IMPG1: variants seen among roughly 807,000 people sequenced by gnomAD.
IMPG1 encodes the protein interphotoreceptor matrix proteoglycan of 150 kDa.
IMPG1 carries 85 observed loss-of-function variants against 92.0 expected under a neutral mutation model. That is an observed-to-expected ratio of 0.92 (90% confidence interval 0.78 to 1.11). The LOEUF (loss-of-function observed/expected upper bound fraction) is 1.11. Ranked by LOEUF, IMPG1 falls within the 50% of genes least tolerant of loss-of-function variation. The pLI, the probability that IMPG1 is intolerant of heterozygous loss-of-function variation, is 0.00. For missense variants in IMPG1, 1,022 were observed against 956.0 expected (o/e 1.07, Z -0.91); for synonymous variants, 367 against 334.1 (o/e 1.10, Z -1.08).
chr6:76,024,435 T>A (rs1486777694), intron 5 of IMPG1, among the ~76,000 whole-genome samples: 2 of 152,110 alleles, frequency 1.3e-5, no homozygotes, highest in African/African-American at 2.4e-5. Context: ...GAAATATACA[T>A]GAAAGAGAAA....
At chr6:75,975,793 C>T (rs1004358044) in intron 12 of IMPG1, among the ~76,000 whole-genome samples, 3 of 152,162 alleles carry the variant, frequency 2.0e-5, no homozygotes, top group African/African-American at 7.2e-5. Context: ...ACCATGTGCT[C>T]TCTATTGCAA....
intron 4 of IMPG1, among the ~76,000 whole-genome samples, chr6:76,027,196 A>C (rs1369086782): frequency 2.0e-5 from 3 of 152,238 alleles, no homozygotes; most frequent in African/African-American, 7.2e-5. Context: ...AAATGTAAAT[A>C]GGTGAACTAA....
chr6:76,028,469 G>C (rs1783591529), intron 4 of IMPG1, among the ~76,000 whole-genome samples: 1 of 152,142 alleles, frequency 6.6e-6, no homozygotes, highest in Non-Finnish European at 1.5e-5. Context: ...ACTTTTTCTT[G>C]GAATACTGCT....
chr6:76,002,955 C>G lies in IMPG1; in HGVS notation c.1254G>C (p.Gln418His), dbSNP rs762567334. Reference sequence around the variant, plus strand: ...GCTCTGCTCCGTCCACTGTCTCAAGCTGGGGTTCAACAGGAGGAAGTTCTG... The same window carrying G: ...GCTCTGCTCCGTCCACTGTCTCAAGGTGGGGTTCAACAGGAGGAAGTTCTG... Reference protein sequence around the residue: ...LSPELPPVEPQLETVDGAEHG... With the variant: ...LSPELPPVEPHLETVDGAEHG... The change falls in exon 12 of 17, where the codon CAG (glutamine) becomes CAC (histidine). Residue 418 changes from glutamine (Q) to histidine (H), a missense_variant. Gln to His is a conservative substitution (Grantham distance 24, BLOSUM62 0). Around this residue, in one of 3 missense-constraint regions of IMPG1, gnomAD observed 681 missense variants for 583.6 expected, o/e 1.17. Transcript: ENST00000369950. The G allele has an allele frequency of 6.2e-7, 1 of 1,613,802 alleles. No homozygotes were observed. The highest frequency in any genetic ancestry group is 1.1e-5 in the South Asian group (1 of 91,064).
At chr6:76,033,544 G>A (rs1182168385) in intron 4 of IMPG1, among the ~76,000 whole-genome samples, 1 of 152,184 alleles carries the variant, frequency 6.6e-6, no homozygotes. Context: ...AATCTGTCAG[G>A]GAGATCAGAT....
rs113897758 is a variant in IMPG1, at chr6:75,982,829, G to C, written c.1291+20089C>G. Among the ~76,000 whole-genome samples, 275 of 152,018 alleles carry C rather than the reference G, an allele frequency of 1.8e-3. 2 individuals are homozygous for C. The highest frequency in any genetic ancestry group is 6.3e-3 in the African/African-American group (262 of 41,476). ...TGCATTAACCATAGCACTTTATATA[G>C]TTTCTACTGTCACCAAAAGAAAGGG... On this transcript the variant is annotated intron_variant, in intron 12 of 16. Transcript: ENST00000369950.
intron 12 of IMPG1, among the ~76,000 whole-genome samples, chr6:75,980,983 G>A (rs569753188): frequency 3.0e-4 from 45 of 152,296 alleles, no homozygotes; most frequent in African/African-American, 1.0e-3. Flanking sequence ...CCCTCTGGGG[G>A]ATTCTGATTC....
At chr6:75,976,392 T>C (rs1377765722) in intron 12 of IMPG1, among the ~76,000 whole-genome samples, 2 of 152,004 alleles carry the variant, frequency 1.3e-5, no homozygotes, top group African/African-American at 4.8e-5. Flanking sequence ...TGAAACCACG[T>C]CTCTACCAAA....
At chr6:76,009,854 A>C (rs1179874772) in intron 8 of IMPG1, among the ~76,000 whole-genome samples, 2 of 152,236 alleles carry the variant, frequency 1.3e-5, no homozygotes, top group South Asian at 2.1e-4. Context: ...AATATTCACC[A>C]AAACAACTGT....
intron 12 of IMPG1, among the ~76,000 whole-genome samples, chr6:75,971,033 G>A (rs1336441101): frequency 6.6e-6 from 1 of 151,970 alleles, no homozygotes; most frequent in Non-Finnish European, 1.5e-5. Flanking sequence ...GTTTATTGCG[G>A]CACTATTCAC....
In IMPG1 at chr6:75,978,282, G is replaced by C. The variant is rs1562356689; in HGVS notation, c.1291+24636C>G. On this transcript the variant is annotated intron_variant, in intron 12 of 16. Transcript: ENST00000369950. The stretch of plus-strand genomic sequence containing the variant: ...TGTTGTATGTTTGGCTCCATTTCAC[G>C]CTGCACCTTTGCTGCACTAGAGCAT... Among the ~76,000 whole-genome samples, 3 of 151,980 alleles carry C rather than the reference G, an allele frequency of 2.0e-5. 1 individual carries two copies. The South Asian group carries it at 6.2e-4, about 32-fold the overall frequency.
At chr6:76,045,818 G>C (rs1245705330) in intron 1 of IMPG1, among the ~76,000 whole-genome samples, 2 of 152,120 alleles carry the variant, frequency 1.3e-5, no homozygotes, top group Non-Finnish European at 2.9e-5. Flanking sequence ...AACTTTTAAA[G>C]ATTCTTTGGG....
At chr6:75,984,765 T>G (rs1294232735) in intron 12 of IMPG1, among the ~76,000 whole-genome samples, 1 of 152,232 alleles carries the variant, frequency 6.6e-6, no homozygotes. Context: ...AATGGCTTAG[T>G]GCCATCCCCT....
At chr6:75,966,472 C>G (rs1231790912) in intron 12 of IMPG1, among the ~76,000 whole-genome samples, 1 of 152,162 alleles carries the variant, frequency 6.6e-6, no homozygotes, top group Non-Finnish European at 1.5e-5. Context: ...CTTGCTCTCA[C>G]CCCCTCCTGC....
intron 13 of IMPG1, among the ~76,000 whole-genome samples, chr6:75,948,912 C>G (rs1387433241): frequency 1.3e-5 from 2 of 152,126 alleles, no homozygotes; most frequent in African/African-American, 4.8e-5. Flanking sequence ...AGGGATGTAC[C>G]AATGACCCAG....
intron 12 of IMPG1, among the ~76,000 whole-genome samples, chr6:75,954,542 A>T (rs1782085732): frequency 1.3e-5 from 2 of 151,954 alleles, no homozygotes; most frequent in Non-Finnish European, 1.5e-5. Flanking sequence ...GATTGCCAAA[A>T]TTTTTTCCCA....
intron 4 of IMPG1, among the ~76,000 whole-genome samples, chr6:76,030,937 A>G (rs1327246148): frequency 6.6e-6 from 1 of 152,104 alleles, no homozygotes; most frequent in Non-Finnish European, 1.5e-5. Flanking sequence ...TGCAGCGAGG[A>G]GGAGCCTGGC....
At chr6:75,958,797 G>T (rs1332205828) in intron 12 of IMPG1, among the ~76,000 whole-genome samples, 3 of 151,836 alleles carry the variant, frequency 2.0e-5, no homozygotes, top group Non-Finnish European at 4.4e-5. Flanking sequence ...AAGGTTTTTA[G>T]CTTCCTTGCA....
intron 1 of IMPG1, among the ~76,000 whole-genome samples, chr6:76,056,051 G>A (rs185364406): frequency 2.3e-4 from 35 of 151,876 alleles, no homozygotes; most frequent in Admixed American, 5.9e-4. Context: ...TTTATGGTCC[G>A]AGCTTGCTTA....
Sources: allele counts gnomAD v4.1 joint callset (sites outside exome capture counted in the v4.1 genomes callset), GRCh38; gene constraint gnomAD v4.1.1; regional missense constraint gnomAD v4.1.1; transcripts MANE v1.5; gene names NCBI Gene and HGNC (gene_info 2026-07-23, HGNC 2026-07-21).